SCFD2: variants seen among roughly 807,000 people sequenced by gnomAD.
The protein encoded by SCFD2 is sec1 family domain-containing protein 2.
A neutral mutation model predicts 58.9 loss-of-function variants in SCFD2; 54 were observed. The observed-to-expected ratio is 0.92, with a 90% confidence interval of 0.74 to 1.15. SCFD2 has a LOEUF of 1.15. SCFD2 is among the 50% of genes most tolerant of loss of function. The pLI is 0.00. For missense variants in SCFD2, 805 were observed against 836.6 expected (o/e 0.96, Z 0.47); for synonymous variants, 321 against 335.9 (o/e 0.96, Z 0.49).
intron 4 of SCFD2, among the ~76,000 whole-genome samples, chr4:53,234,309 A>G (rs1176166237): frequency 6.6e-6 from 1 of 152,224 alleles, no homozygotes; most frequent in African/African-American, 2.4e-5. Flanking sequence ...ACTATTTGGA[A>G]GTGACACCTC....
chr4:53,288,706 G>A (rs986875339), intron 3 of SCFD2, among the ~76,000 whole-genome samples: 3 of 152,164 alleles, frequency 2.0e-5, no homozygotes, highest in African/African-American at 7.2e-5. Flanking sequence ...ATAAGCAAAA[G>A]CTGAGGGAAT....
intron 4 of SCFD2, among the ~76,000 whole-genome samples, chr4:53,223,396 A>G (rs1729105526): frequency 6.6e-6 from 1 of 152,198 alleles, no homozygotes; most frequent in African/African-American, 2.4e-5. Flanking sequence ...TAGGACCTGT[A>G]TATTCTGTTT....
chr4:53,297,683 T>C (rs1732091873), intron 3 of SCFD2, among the ~76,000 whole-genome samples: 1 of 152,198 alleles, frequency 6.6e-6, no homozygotes, highest in African/African-American at 2.4e-5. Flanking sequence ...ATGTGTGAAA[T>C]TGATCCTGCC....
At chr4:53,098,281 A>G (rs1422204672) in intron 5 of SCFD2, among the ~76,000 whole-genome samples, 1 of 152,330 alleles carries the variant, frequency 6.6e-6, no homozygotes, top group Non-Finnish European at 1.5e-5. Context: ...GAATAGTTTC[A>G]GAAGGAATGG....
chr4:53,162,182 G>T (rs1468112187), intron 4 of SCFD2, among the ~76,000 whole-genome samples: 4 of 151,248 alleles, frequency 2.6e-5, no homozygotes, highest in East Asian at 1.9e-4. Context: ...TTTTAGTCTG[G>T]CTAAGCAACA....
At chr4:52,993,058 C>G (rs1721658848) in intron 5 of SCFD2, among the ~76,000 whole-genome samples, 1 of 151,936 alleles carries the variant, frequency 6.6e-6, no homozygotes, top group South Asian at 2.1e-4. Context: ...AAGAAAAATT[C>G]TTCTGCCTTG....
At chr4:53,284,904 C>T (rs929268149) in intron 3 of SCFD2, among the ~76,000 whole-genome samples, 30 of 152,210 alleles carry the variant, frequency 2.0e-4, no homozygotes, top group African/African-American at 7.2e-4. Flanking sequence ...ACCATAAATA[C>T]TGAAGGTTTT....
chr4:53,346,039 T>G (rs988795809), intron 2 of SCFD2, among the ~76,000 whole-genome samples: 1 of 152,136 alleles, frequency 6.6e-6, no homozygotes, highest in Non-Finnish European at 1.5e-5. Flanking sequence ...ACATGGCACA[T>G]GTATACCTAT....
chr4:53,247,952 ACAGCTGC>A (rs1246276175), intron 4 of SCFD2, among the ~76,000 whole-genome samples: 4 of 151,950 alleles, frequency 2.6e-5, no homozygotes, highest in African/African-American at 7.2e-5. Context: ...GCTCCGGTCT[ACAGCTGC>A]CAGCGTGAGC....
chr4:53,159,022 T>C (rs1726774810), intron 4 of SCFD2, among the ~76,000 whole-genome samples: 1 of 152,156 alleles, frequency 6.6e-6, no homozygotes, highest in Admixed American at 6.5e-5. Context: ...CTAAATTTAA[T>C]TATCTATTCA....
intron 4 of SCFD2, among the ~76,000 whole-genome samples, chr4:53,181,762 G>C (rs181421992): frequency 2.9e-3 from 437 of 152,214 alleles, no homozygotes; most frequent in African/African-American, 1.0e-2. Context: ...AAACCCCATC[G>C]TCTCAGCCCA....
At chr4:53,015,547 C>T (rs1157884142) in intron 5 of SCFD2, among the ~76,000 whole-genome samples, 7 of 152,106 alleles carry the variant, frequency 4.6e-5, no homozygotes, top group Admixed American at 2.6e-4. Context: ...AGTCATCAGG[C>T]GGTTCAGATA....
chr4:53,058,763 A>G (rs1439094823), intron 5 of SCFD2, among the ~76,000 whole-genome samples: 3 of 152,190 alleles, frequency 2.0e-5, no homozygotes, highest in South Asian at 2.1e-4. Context: ...GAACTCTCAG[A>G]TAAGTGTGGA....
chr4:53,116,012 C>T (rs1725307952), intron 5 of SCFD2, among the ~76,000 whole-genome samples: 1 of 152,118 alleles, frequency 6.6e-6, no homozygotes, highest in Non-Finnish European at 1.5e-5. Context: ...GATTTCCCCT[C>T]TGACTCAAGG....
intron 4 of SCFD2, among the ~76,000 whole-genome samples, chr4:53,219,564 C>G (rs535676983): frequency 6.6e-6 from 1 of 152,128 alleles, no homozygotes; most frequent in African/African-American, 2.4e-5. Context: ...AAAGGGAATT[C>G]CCTGACCCCT....
chr4:53,054,198 T>C lies in SCFD2; in HGVS notation c.1561+91135A>G, dbSNP rs142667135. Among the ~76,000 whole-genome samples the C allele has an allele frequency of 7.1e-3, 1,084 of 152,300 alleles. 9 individuals carry two copies. Among genetic ancestry groups the C allele is most frequent in the African/African-American group, 0.023 (961 of 41,560 alleles). On this transcript the variant is annotated intron_variant, in intron 5 of 8. Transcript: ENST00000401642. ...ATAACATGTACTATTTGTCTTTCTGTGCTTGGCTTATTTCACTTAGTAACC... is the reference window on the plus strand; with the variant it reads ...ATAACATGTACTATTTGTCTTTCTGCGCTTGGCTTATTTCACTTAGTAACC...
chr4:53,012,713 C>G (rs1722122958), intron 5 of SCFD2, among the ~76,000 whole-genome samples: 1 of 151,884 alleles, frequency 6.6e-6, no homozygotes, highest in Admixed American at 6.6e-5. Context: ...CATGTTCTAG[C>G]CAGTCGGCAA....
chr4:53,151,406 G>A (rs777626925), intron 4 of SCFD2, among the ~76,000 whole-genome samples: 9 of 152,294 alleles, frequency 5.9e-5, no homozygotes, highest in Non-Finnish European at 1.3e-4. Flanking sequence ...GAAGTCTGGG[G>A]CTCCTGTTAT....
At chr4:52,940,976 T>A (rs1577844454) in intron 5 of SCFD2, among the ~76,000 whole-genome samples, 3 of 152,146 alleles carry the variant, frequency 2.0e-5, no homozygotes, top group Admixed American at 2.0e-4. Flanking sequence ...AGCTCAGATG[T>A]CCCCTTTCCC....
Sources: allele counts gnomAD v4.1 joint callset (sites outside exome capture counted in the v4.1 genomes callset), GRCh38; gene constraint gnomAD v4.1.1; transcripts MANE v1.5; gene names NCBI Gene and HGNC (gene_info 2026-07-23, HGNC 2026-07-21).